GABRG3: variants seen among roughly 807,000 people sequenced by gnomAD.
GABRG3 encodes the protein gamma-aminobutyric acid type A receptor subunit gamma3.
GABRG3 carries 25 observed loss-of-function variants against 48.8 expected under a neutral mutation model. The ratio of observed to expected loss-of-function variants is 0.51; its 90% CI spans 0.37 to 0.72. The LOEUF is 0.72. Ranked by LOEUF, GABRG3 falls within the 30% of genes least tolerant of loss-of-function variation. GABRG3 has a pLI of 0.00. For synonymous variants in GABRG3, 227 were observed against 217.6 expected (o/e 1.04, Z -0.38); for missense variants, 394 against 577.9 (o/e 0.68, Z 3.26).
chr15:27,514,026 C>T (rs1388251730), intron 6 of GABRG3, among the ~76,000 whole-genome samples: 1 of 152,184 alleles, frequency 6.6e-6, no homozygotes, highest in Non-Finnish European at 1.5e-5. Context: ...CAGGCAGCTA[C>T]ACTGATTATC....
intron 3 of GABRG3, among the ~76,000 whole-genome samples, chr15:27,209,920 C>T (rs886343757): frequency 1.3e-5 from 2 of 152,174 alleles, no homozygotes; most frequent in Non-Finnish European, 2.9e-5. Context: ...ACGTGCATCC[C>T]TGGTGTCCGT....
chr15:27,139,923 A>G (rs975674119), intron 3 of GABRG3, among the ~76,000 whole-genome samples: 7 of 152,174 alleles, frequency 4.6e-5, no homozygotes, highest in African/African-American at 9.7e-5. Context: ...GGTTTAATCA[A>G]TCATACCCAC....
intron 3 of GABRG3, among the ~76,000 whole-genome samples, chr15:27,053,759 G>A (rs541875734): frequency 3.1e-4 from 47 of 152,182 alleles, no homozygotes; most frequent in Non-Finnish European, 5.9e-4. Flanking sequence ...AAGAAAATGT[G>A]TAAATATACA....
chr15:27,282,763 A>G (rs1218970478), intron 3 of GABRG3, among the ~76,000 whole-genome samples: 5 of 152,094 alleles, frequency 3.3e-5, no homozygotes, highest in African/African-American at 1.2e-4. Flanking sequence ...TTGAGATAGC[A>G]TGAGTTAGCA....
Position 27,308,477 on chromosome 15 carries a change from A to G in GABRG3, c.271-18332A>G, listed in dbSNP as rs530722952. ...CAAACATACATGTTTATATATAAACATATAATGTAAACATACATGTTTTAT... is the reference window on the plus strand; with the variant it reads ...CAAACATACATGTTTATATATAAACGTATAATGTAAACATACATGTTTTAT... On this transcript the variant is annotated intron_variant, in intron 3 of 9. Transcript: ENST00000615808. Among the ~76,000 whole-genome samples the G allele has an allele frequency of 2.3e-3, 337 of 146,116 alleles. 1 individual carries two copies. Among genetic ancestry groups the G allele is most frequent in the African/African-American group, 8.0e-3 (314 of 39,190 alleles).
intron 5 of GABRG3, among the ~76,000 whole-genome samples, chr15:27,477,896 A>G (rs1040490981): frequency 6.6e-6 from 1 of 152,078 alleles, no homozygotes; most frequent in African/African-American, 2.4e-5. Context: ...AAAGATAAAA[A>G]TTAGCTGGGC....
chr15:27,145,107 A>G (rs1898174269), intron 3 of GABRG3, among the ~76,000 whole-genome samples: 1 of 152,128 alleles, frequency 6.6e-6, no homozygotes. Flanking sequence ...ACATTGTGAG[A>G]CAAACCAAGG....
intron 3 of GABRG3, among the ~76,000 whole-genome samples, chr15:27,292,258 A>G (rs919244696): frequency 6.3e-5 from 9 of 143,044 alleles, no homozygotes; most frequent in African/African-American, 2.4e-4. Flanking sequence ...GGAGGGGAAC[A>G]TCGCACACCA....
At chr15:27,403,992 C>T (rs1441794613) in intron 5 of GABRG3, among the ~76,000 whole-genome samples, 3 of 146,610 alleles carry the variant, frequency 2.0e-5, no homozygotes, top group Admixed American at 6.8e-5. Flanking sequence ...GAGGCCGAGG[C>T]GGGTGGATCA....
At position 26,976,618 on chromosome 15, in the gene GABRG3, T is replaced by C. The variant is rs1182002946; in HGVS notation, c.54-384T>C. Among the ~76,000 whole-genome samples, 1 of 152,094 alleles carries C rather than the reference T, an allele frequency of 6.6e-6. No homozygotes were observed. Among genetic ancestry groups the C allele is most frequent in the Admixed American group, 6.5e-5 (1 of 15,276 alleles). On this transcript the variant is annotated intron_variant, in intron 1 of 9. Coordinates refer to ENST00000615808, the MANE Select transcript of GABRG3 (RefSeq NM_033223.5). This position sits in a 1 kb window ranked among gnomAD's most constrained non-coding sequence, Gnocchi z 7.8. ...TCAGGGTGGAAACACCACGATGCAGTCACCATATAGAAAACCTCTAGAAGG... is the reference window on the plus strand; with the variant it reads ...TCAGGGTGGAAACACCACGATGCAGCCACCATATAGAAAACCTCTAGAAGG...
intron 3 of GABRG3, among the ~76,000 whole-genome samples, chr15:27,266,337 A>G (rs1890921938): frequency 6.6e-6 from 1 of 151,616 alleles, no homozygotes; most frequent in African/African-American, 2.4e-5. Context: ...GCTGAAGATT[A>G]TCTTCTGCAT....
At chr15:27,158,080 T>C (rs188275282) in intron 3 of GABRG3, 1 of 152,316 alleles carries the variant, frequency 6.6e-6, no homozygotes, top group East Asian at 1.9e-4. Context: ...CCGGGTTTTT[T>C]CCTTTGCTTT....
intron 5 of GABRG3, among the ~76,000 whole-genome samples, chr15:27,463,546 G>A (rs2150836697): frequency 6.6e-6 from 1 of 152,276 alleles, no homozygotes; most frequent in East Asian, 1.9e-4. Flanking sequence ...CAAGACCCTG[G>A]GAGAGGCCCT....
intron 5 of GABRG3, among the ~76,000 whole-genome samples, chr15:27,356,797 T>C (rs1894857127): frequency 6.6e-6 from 1 of 152,180 alleles, no homozygotes; most frequent in Non-Finnish European, 1.5e-5. Context: ...GATTTGCATT[T>C]CATTGAGATG....
intron 5 of GABRG3, among the ~76,000 whole-genome samples, chr15:27,361,122 C>T (rs530516663): frequency 2.2e-4 from 33 of 152,302 alleles, no homozygotes; most frequent in African/African-American, 7.0e-4. Flanking sequence ...ATGGCTGTGG[C>T]GTTTAGCTTT....
At chr15:27,453,054 G>T (rs1001502583) in intron 5 of GABRG3, among the ~76,000 whole-genome samples, 3 of 152,146 alleles carry the variant, frequency 2.0e-5, no homozygotes, top group Non-Finnish European at 4.4e-5. Context: ...GACAAATATT[G>T]CATGACCTCA....
chr15:27,053,779 A>G (rs772621448), intron 3 of GABRG3, among the ~76,000 whole-genome samples: 6 of 152,232 alleles, frequency 3.9e-5, no homozygotes, highest in Non-Finnish European at 7.3e-5. Context: ...ACCGTGAAAT[A>G]CCGCGCAGCC....
intron 3 of GABRG3, among the ~76,000 whole-genome samples, chr15:27,077,707 C>T (rs564317362): frequency 4.1e-4 from 63 of 152,134 alleles, no homozygotes; most frequent in Non-Finnish European, 7.9e-4. Context: ...AGTGATTTGC[C>T]AGGTTTTGTA....
chr15:27,213,970 T>TAAC (rs1160824154), intron 3 of GABRG3, among the ~76,000 whole-genome samples: 1 of 152,206 alleles, frequency 6.6e-6, no homozygotes, highest in Non-Finnish European at 1.5e-5. Flanking sequence ...GCTTCCAAGG[T>TAAC]AACAGTCTAT....
Sources: allele counts gnomAD v4.1 joint callset (sites outside exome capture counted in the v4.1 genomes callset), GRCh38; gene constraint gnomAD v4.1.1; non-coding constraint Gnocchi (gnomAD v3.1); transcripts MANE v1.5; gene names NCBI Gene and HGNC (gene_info 2026-07-23, HGNC 2026-07-21).